The following CDH18 variants were observed in gnomAD, a reference collection of about 807,000 sequenced individuals.
The protein encoded by CDH18 is cadherin-18.
CDH18 carries 31 observed loss-of-function variants against 67.9 expected under a neutral mutation model. That is an observed-to-expected ratio of 0.46 (90% CI 0.34 to 0.62). CDH18 has a LOEUF of 0.62. CDH18 is among the 20% of genes least tolerant of loss of function. CDH18 has a pLI of 0.01. For missense variants in CDH18, 890 were observed against 975.5 expected (o/e 0.91, Z 1.17); for synonymous variants, 362 against 347.2 (o/e 1.04, Z -0.48).
chr5:19,875,465 T>G (rs1278079852), intron 2 of CDH18, among the ~76,000 whole-genome samples: 1 of 152,030 alleles, frequency 6.6e-6, no homozygotes, highest in African/African-American at 2.4e-5. Context: ...GATAGATAGA[T>G]GGATAGATAG....
intron 7 of CDH18, among the ~76,000 whole-genome samples, chr5:19,584,773 C>A (rs1277064783): frequency 2.2e-5 from 3 of 133,578 alleles, no homozygotes; most frequent in Non-Finnish European, 4.7e-5. Context: ...CATGGTGAGG[C>A]CCCGTTTCTA....
chr5:20,298,943 T>C (rs964443151), intron 1 of CDH18, among the ~76,000 whole-genome samples: 9 of 152,126 alleles, frequency 5.9e-5, no homozygotes, highest in Non-Finnish European at 1.3e-4. Context: ...CAGAGACATC[T>C]TAATGTTTCA....
At chr5:19,875,427 GATAGATAGATAGATCGATCGATCT>G (rs1468804683) in intron 2 of CDH18, among the ~76,000 whole-genome samples, 2 of 149,532 alleles carry the variant, frequency 1.3e-5, no homozygotes, top group African/African-American at 2.5e-5. Flanking sequence ...TAGATAGATA[GATAGATAGATAGATCGATCGATCT>G]ATAGATAGAT....
At position 19,675,373 on chromosome 5, in the gene CDH18, G is replaced by A. The variant is rs573272113; in HGVS notation, c.643+45974C>T. Among the ~76,000 whole-genome samples, 341 of 152,080 alleles carry A rather than the reference G, an allele frequency of 2.2e-3. 1 individual carries two copies. Among genetic ancestry groups the A allele is most frequent in the Non-Finnish European group, 3.6e-3 (246 of 67,994 alleles). On this transcript the variant is annotated intron_variant, in intron 5 of 12. Transcript: ENST00000382275. ...TCCTAGTCCTAATAAGCCTGGGAGC[G>A]CTACTGGAGACCGGGGCTTATTTCA...
intron 3 of CDH18, among the ~76,000 whole-genome samples, chr5:19,825,566 G>A (rs114908604): frequency 1.5e-3 from 228 of 152,170 alleles, no homozygotes; most frequent in African/African-American, 5.3e-3. Context: ...GAGCTGCATA[G>A]ACCAGAACAC....
chr5:19,482,485 T>G (rs1579705323), intron 12 of CDH18, among the ~76,000 whole-genome samples: 1 of 152,184 alleles, frequency 6.6e-6, no homozygotes, highest in African/African-American at 2.4e-5. Context: ...GACCAAAAAA[T>G]ATTTAGTCAG....
intron 4 of CDH18, among the ~76,000 whole-genome samples, chr5:19,744,796 G>A (rs1417267784): frequency 6.6e-6 from 1 of 152,150 alleles, no homozygotes; most frequent in African/African-American, 2.4e-5. Flanking sequence ...TGTAATAAAT[G>A]TGAGGGTAAC....
At chr5:19,831,575 T>C (rs1781036852) in intron 3 of CDH18, among the ~76,000 whole-genome samples, 1 of 152,054 alleles carries the variant, frequency 6.6e-6, no homozygotes, top group Non-Finnish European at 1.5e-5. Context: ...CCAGTCAGAA[T>C]GGCTATCATT....
chr5:20,119,133 A>C (rs1196274686), intron 2 of CDH18, among the ~76,000 whole-genome samples: 3 of 151,942 alleles, frequency 2.0e-5, no homozygotes, highest in Non-Finnish European at 4.4e-5. Flanking sequence ...GATTTTCTGG[A>C]AAAAAAATCC....
At chr5:20,191,718 A>T (rs2126719535) in intron 2 of CDH18, among the ~76,000 whole-genome samples, 1 of 152,216 alleles carries the variant, frequency 6.6e-6, no homozygotes, top group African/African-American at 2.4e-5. Flanking sequence ...ATAGTATTCC[A>T]TGATATATAT....
chr5:20,439,621 G>C (rs1452001357), intron 1 of CDH18, among the ~76,000 whole-genome samples: 1 of 151,694 alleles, frequency 6.6e-6, no homozygotes, highest in Admixed American at 6.6e-5. Context: ...TGAAAATACT[G>C]TAATAGATCC....
intron 1 of CDH18, among the ~76,000 whole-genome samples, chr5:20,314,813 AAAAC>A (rs1459403902): frequency 1.3e-5 from 2 of 152,120 alleles, no homozygotes; most frequent in Non-Finnish European, 2.9e-5. Context: ...ATAAATACAC[AAAAC>A]AGTCAATAAT....
At chr5:20,123,607 G>A (rs528844291) in intron 2 of CDH18, among the ~76,000 whole-genome samples, 40 of 152,258 alleles carry the variant, frequency 2.6e-4, no homozygotes, top group African/African-American at 8.4e-4. Context: ...AGGTCGGCCC[G>A]GCGCGGTGGC....
intron 1 of CDH18, among the ~76,000 whole-genome samples, chr5:20,484,219 G>C (rs1753013765): frequency 6.6e-6 from 1 of 151,886 alleles, no homozygotes; most frequent in African/African-American, 2.4e-5. Context: ...AATTAAAACT[G>C]CAATGTGATA....
At chr5:19,734,790 T>G (rs73055680) in intron 4 of CDH18, among the ~76,000 whole-genome samples, 2 of 152,120 alleles carry the variant, frequency 1.3e-5, no homozygotes, top group Non-Finnish European at 2.9e-5. Context: ...TGGTACCCTA[T>G]CTTATTATTG....
intron 1 of CDH18, among the ~76,000 whole-genome samples, chr5:20,380,282 C>G (rs567804501): frequency 6.6e-6 from 1 of 152,172 alleles, no homozygotes; most frequent in East Asian, 1.9e-4. Flanking sequence ...AGTTATATGA[C>G]TTAGGGAGGT....
chr5:19,559,920 AC>A (rs1273778253), intron 8 of CDH18, among the ~76,000 whole-genome samples: 35 of 149,510 alleles, frequency 2.3e-4, no homozygotes, highest in African/African-American at 6.7e-4. Flanking sequence ...AGTTGCAAAA[AC>A]AAACAAAAAA....
At chr5:20,009,995 T>C (rs559147718) in intron 2 of CDH18, among the ~76,000 whole-genome samples, 2 of 152,296 alleles carry the variant, frequency 1.3e-5, no homozygotes, top group Admixed American at 1.3e-4. Flanking sequence ...CACTGAATAT[T>C]AACTATGAGA....
chr5:19,937,857 A>AT, intron 2 of CDH18, among the ~76,000 whole-genome samples: 1 of 150,750 alleles, frequency 6.6e-6, no homozygotes, highest in Non-Finnish European at 1.5e-5. Context: ...GACTGCCTTT[A>AT]TTGGTGGCTT....
Sources: allele counts gnomAD v4.1 joint callset (sites outside exome capture counted in the v4.1 genomes callset), GRCh38; gene constraint gnomAD v4.1.1; transcripts MANE v1.5; gene names NCBI Gene and HGNC (gene_info 2026-07-23, HGNC 2026-07-21).